The following PLSCR2 variants were observed in gnomAD, a reference collection of about 807,000 sequenced individuals.
PLSCR2 encodes phospholipid scramblase 2.
PLSCR2 carries 18 observed loss-of-function variants against 25.3 expected under a neutral mutation model. That is an observed-to-expected ratio of 0.71 (90% CI 0.49 to 1.06). The LOEUF (loss-of-function observed/expected upper bound fraction) is 1.06. PLSCR2 is among the 50% of genes least tolerant of loss of function. The probability of loss-of-function intolerance (pLI) is 0.00; values close to 1 mark genes in which losing one functional copy is unlikely to be tolerated. For synonymous variants in PLSCR2, 88 were observed against 87.3 expected, an observed-to-expected ratio of 1.01 and a Z score of -0.04; for missense variants, 243 against 269.5, an observed-to-expected ratio of 0.90 and a Z score of 0.69.
chr3:146,428,442 A>C (rs2039429604), downstream of PLSCR2, among the ~76,000 whole-genome samples: 1 of 152,186 alleles, frequency 6.6e-6, no homozygotes, highest in South Asian at 2.1e-4. Flanking sequence ...TTCATTTCCA[A>C]ATTAGATAAA....
chr3:146,491,145 CT>C (rs1036797666), intron 1 of PLSCR2, among the ~76,000 whole-genome samples: 1 of 152,044 alleles, frequency 6.6e-6, no homozygotes, highest in Non-Finnish European at 1.5e-5. Context: ...GTTGGAATTT[CT>C]TTTCTTTAAT....
downstream of PLSCR2, among the ~76,000 whole-genome samples, chr3:146,432,086 A>G (rs2039567590): frequency 6.6e-6 from 1 of 152,182 alleles, no homozygotes; most frequent in Non-Finnish European, 1.5e-5. Context: ...AAATAATTTG[A>G]GGGAAAATAA....
exon 3 of PLSCR2, chr3:146,395,803 T>A (rs2038255603): frequency 5.8e-6 from 1 of 171,978 alleles, no homozygotes; most frequent in Non-Finnish European, 1.3e-5. Flanking sequence ...AATTTTAACA[T>A]CAAGATCAAA....
At chr3:146,436,096 TA>T (rs1269589770) in intron 8 of PLSCR2, among the ~76,000 whole-genome samples, 3 of 152,192 alleles carry the variant, frequency 2.0e-5, no homozygotes, top group Non-Finnish European at 4.4e-5. Context: ...TGTGTGGTAT[TA>T]TTTCTGAGGG....
intron 1 of PLSCR2, among the ~76,000 whole-genome samples, chr3:146,486,616 C>G (rs919623571): frequency 1.3e-5 from 2 of 151,726 alleles, no homozygotes; most frequent in Non-Finnish European, 2.9e-5. Context: ...CAAGACTAAA[C>G]CAGGAAGAAG....
At chr3:146,415,414 T>C (rs2038978241) in intron 2 of PLSCR2, among the ~76,000 whole-genome samples, 1 of 152,094 alleles carries the variant, frequency 6.6e-6, no homozygotes, top group Non-Finnish European at 1.5e-5. Flanking sequence ...TTGTCTTGTC[T>C]CTATTGTTAA....
At chr3:146,469,407 A>T (rs767554863) in intron 1 of PLSCR2, 88 bp downstream of exon 1, 10 of 917,198 alleles carry the variant, frequency 1.1e-5, no homozygotes, top group African/African-American at 1.8e-5. Context: ...CCTCTGACGC[A>T]AACACAATTA....
At chr3:146,446,028 C>T (rs548659339) in intron 6 of PLSCR2, among the ~76,000 whole-genome samples, 1 of 152,170 alleles carries the variant, frequency 6.6e-6, no homozygotes, top group Non-Finnish European at 1.5e-5. Flanking sequence ...TTAAAGTTAT[C>T]GGATAGGATT....
intron 2 of PLSCR2, among the ~76,000 whole-genome samples, chr3:146,399,628 A>C (rs1393714498): frequency 6.6e-6 from 1 of 151,768 alleles, no homozygotes; most frequent in Non-Finnish European, 1.5e-5. Context: ...ATATACTTCC[A>C]TTATATTCTG....
At chr3:146,459,447 T>C (rs2041422896) in intron 2 of PLSCR2, among the ~76,000 whole-genome samples, 1 of 152,332 alleles carries the variant, frequency 6.6e-6, no homozygotes, top group Non-Finnish European at 1.5e-5. Context: ...GTAATTTATA[T>C]AACTGCTCTG....
intron 3 of PLSCR2, among the ~76,000 whole-genome samples, chr3:146,457,031 C>T (rs1321500474): frequency 6.6e-6 from 1 of 151,856 alleles, no homozygotes; most frequent in Non-Finnish European, 1.5e-5. Flanking sequence ...CAAATTATTA[C>T]AGAACAAAGT....
chr3:146,468,864 CTG>C, intron 1 of PLSCR2, among the ~76,000 whole-genome samples: 1 of 152,290 alleles, frequency 6.6e-6, no homozygotes, highest in East Asian at 1.9e-4. Context: ...GTGTAATACT[CTG>C]TAGCTCATTT....
chr3:146,400,778 C>T (rs2107997697), intron 2 of PLSCR2, among the ~76,000 whole-genome samples: 1 of 151,786 alleles, frequency 6.6e-6, no homozygotes, highest in East Asian at 1.9e-4. Flanking sequence ...ATGATCCTAG[C>T]TCCGTGTGTG....
chr3:146,464,731 C>T (rs1003553749), upstream of PLSCR2, among the ~76,000 whole-genome samples: 3 of 152,100 alleles, frequency 2.0e-5, no homozygotes, highest in Admixed American at 2.0e-4. Flanking sequence ...ATTGAGGCAG[C>T]ATATACTATA....
At chr3:146,444,319 A>G (rs1356856164) in intron 6 of PLSCR2, among the ~76,000 whole-genome samples, 1 of 151,486 alleles carries the variant, frequency 6.6e-6, no homozygotes, top group African/African-American at 2.4e-5. Flanking sequence ...TTTTTTGTTG[A>G]TTTTCTGTCT....
At chr3:146,492,867 T>C (rs563418348) in intron 1 of PLSCR2, among the ~76,000 whole-genome samples, 4 of 151,982 alleles carry the variant, frequency 2.6e-5, no homozygotes, top group African/African-American at 9.6e-5. Flanking sequence ...CAAAACTTGG[T>C]TTTTTAAAAG....
rs1429035079 is a variant in PLSCR2 at position 146,425,075 on chromosome 3, C to T, written c.101-29154G>A. ...AAATAAATTTGTGTTTGTTTCACTG[C>T]TGCACAACAAAATCTAAAAGTTACA... On this transcript the variant is annotated intron_variant and NMD_transcript_variant, in intron 2 of 3. Coordinates refer to the PLSCR2 transcript ENST00000463633. Among the ~76,000 whole-genome samples the T allele has an allele frequency of 2.0e-5, 3 of 151,698 alleles. No homozygotes were observed. In the East Asian group the frequency reaches 5.8e-4, roughly 29 times the overall value.
intron 1 of PLSCR2, among the ~76,000 whole-genome samples, chr3:146,472,086 GTC>G (rs2042137759): frequency 6.6e-6 from 1 of 152,066 alleles, no homozygotes; most frequent in African/African-American, 2.4e-5. Flanking sequence ...ATGTCTAGTT[GTC>G]TTTTTATTAT....
intron 2 of PLSCR2, among the ~76,000 whole-genome samples, chr3:146,411,250 A>G (rs1049664122): frequency 7.2e-5 from 11 of 152,122 alleles, no homozygotes; most frequent in African/African-American, 2.2e-4. Context: ...ACCACTTCCC[A>G]CCCAAACCAA....
Sources: allele counts gnomAD v4.1 joint callset (sites outside exome capture counted in the v4.1 genomes callset), GRCh38; gene constraint gnomAD v4.1.1; transcripts MANE v1.5; gene names NCBI Gene and HGNC (gene_info 2026-07-23, HGNC 2026-07-21).